TECRL: variants seen among roughly 807,000 people sequenced by gnomAD.
The protein encoded by TECRL is trans-2,3-enoyl-CoA reductase-like.
Under a neutral mutation model 52.8 loss-of-function variants are expected in TECRL, and 63 were observed. That is an observed-to-expected ratio of 1.19 (90% CI 0.97 to 1.47). The LOEUF (loss-of-function observed/expected upper bound fraction) is 1.47. Ranked by LOEUF, TECRL falls within the 40% of genes most tolerant of loss-of-function variation. The probability of loss-of-function intolerance (pLI) is 0.00; values close to 1 mark genes in which losing one functional copy is unlikely to be tolerated. For missense variants in TECRL, 482 were observed against 429.6 expected, an observed-to-expected ratio of 1.12 and a Z score of -1.08; for synonymous variants, 164 against 141.9, an observed-to-expected ratio of 1.16 and a Z score of -1.10.
intron 2 of TECRL, among the ~76,000 whole-genome samples, chr4:64,345,615 A>G (rs569523438): frequency 2.2e-4 from 34 of 151,240 alleles, no homozygotes; most frequent in African/African-American, 6.8e-4. Flanking sequence ...ATGAGTTAAT[A>G]GGTGCAGCAC....
intron 4 of TECRL, among the ~76,000 whole-genome samples, chr4:64,320,017 T>C (rs1486892080): frequency 6.6e-6 from 1 of 151,874 alleles, no homozygotes; most frequent in African/African-American, 2.4e-5. Flanking sequence ...TATCTTGACA[T>C]TGGTGTTAGA....
At chr4:64,367,498 A>AAAATAC (rs1249078198) in intron 2 of TECRL, among the ~76,000 whole-genome samples, 1 of 152,170 alleles carries the variant, frequency 6.6e-6, no homozygotes, top group African/African-American at 2.4e-5. Flanking sequence ...AAACCAACAC[A>AAAATAC]AAATACAAAT....
chr4:64,374,007 T>TATAGTAG (rs1228293321), intron 2 of TECRL, among the ~76,000 whole-genome samples: 17 of 682 alleles, frequency 0.025, no homozygotes, highest in Non-Finnish European at 0.21. Context: ...TATACTATAG[T>TATAGTAG]ATAGTATATA....
chr4:64,281,383 A>G, intron 10 of TECRL, 91 bp downstream of exon 10: 2 of 767,180 alleles, frequency 2.6e-6, no homozygotes, highest in Non-Finnish European at 4.2e-6. Flanking sequence ...TTTCCTGTAT[A>G]TATTAATTTA....
chr4:64,378,819 A>G (rs1291338114), intron 1 of TECRL, among the ~76,000 whole-genome samples: 5 of 152,062 alleles, frequency 3.3e-5, no homozygotes, highest in Admixed American at 2.6e-4. Context: ...TCTTCAGATC[A>G]TATAAATTTT....
intron 2 of TECRL, among the ~76,000 whole-genome samples, chr4:64,338,303 A>ATGTT (rs1719275023): frequency 1.3e-5 from 2 of 152,354 alleles, no homozygotes; most frequent in African/African-American, 4.8e-5. Flanking sequence ...AAAGACTTAC[A>ATGTT]TGTTAGACCT....
chr4:64,393,632 T>C (rs1723708570), intron 1 of TECRL, among the ~76,000 whole-genome samples: 1 of 151,942 alleles, frequency 6.6e-6, no homozygotes, highest in Non-Finnish European at 1.5e-5. Flanking sequence ...AGCTTTCCCA[T>C]TTCTGCTTCT....
Position 64,281,035 on chromosome 4 carries a change from T to A in TECRL, c.964+6A>T. On this transcript the variant is annotated splice_donor_region_variant and intron_variant, in intron 11 of 11. Transcript: ENST00000381210. ...TTGATTAATTATCAGTATATCTAGGTCTTACCTGGCAGTGTTTGTGTCATG... is the reference window on the plus strand; with the variant it reads ...TTGATTAATTATCAGTATATCTAGGACTTACCTGGCAGTGTTTGTGTCATG... 6.3e-7 allele frequency: 1 copy of A among 1,597,878 alleles called. No homozygotes were observed. The highest frequency in any genetic ancestry group is 2.2e-5 in the East Asian group (1 of 44,534).
intron 3 of TECRL, among the ~76,000 whole-genome samples, chr4:64,326,981 A>T (rs528920693): frequency 1.2e-4 from 19 of 152,028 alleles, no homozygotes; most frequent in African/African-American, 4.6e-4. Flanking sequence ...ACTAAGATTG[A>T]TGGAGCAACT....
chr4:64,342,974 T>C (rs1420291537), intron 2 of TECRL, among the ~76,000 whole-genome samples: 2 of 152,052 alleles, frequency 1.3e-5, no homozygotes, highest in Non-Finnish European at 2.9e-5. Flanking sequence ...TCTTTACAAC[T>C]CTGTGTTGTG....
At chr4:64,378,569 T>A (rs1269147095) in intron 1 of TECRL, among the ~76,000 whole-genome samples, 1 of 152,082 alleles carries the variant, frequency 6.6e-6, no homozygotes, top group Non-Finnish European at 1.5e-5. Flanking sequence ...TTATTCAGAA[T>A]GGACAAGGAT....
At chr4:64,374,370 C>A (rs1385115102) in intron 2 of TECRL, among the ~76,000 whole-genome samples, 1 of 150,664 alleles carries the variant, frequency 6.6e-6, no homozygotes, top group East Asian at 1.9e-4. Context: ...GGTTTTTATT[C>A]ATAGATTCTT....
At position 64,280,159 on chromosome 4, in the gene TECRL, C is replaced by CAAAG. The variant is rs1311314231; in HGVS notation, c.1001_1004dup (p.Leu335PhefsTer9). On this transcript the variant is annotated frameshift_variant, in exon 12 of 12. Coordinates refer to ENST00000381210, the MANE Select transcript of TECRL (RefSeq NM_001010874.5). LOFTEE classifies it high-confidence loss of function. ...AAATCTTATGTTTCTTTTGTGCCCA[C>CAAAG]AAAGACATCTGGATACTCATCAGAA... The CAAAG allele has an allele frequency of 1.3e-6, 2 of 1,599,876 alleles. No individual in the cohort carries two copies. The highest frequency in any genetic ancestry group is 1.7e-5 in the Admixed American group (1 of 58,280).
At chr4:64,355,422 A>C (rs1201095190) in intron 2 of TECRL, among the ~76,000 whole-genome samples, 1 of 152,174 alleles carries the variant, frequency 6.6e-6, no homozygotes, top group South Asian at 2.1e-4. Context: ...AATTAAAAAA[A>C]AAATTACATT....
intron 2 of TECRL, among the ~76,000 whole-genome samples, chr4:64,356,601 C>G (rs750100241): frequency 5.3e-5 from 8 of 152,136 alleles, no homozygotes; most frequent in Admixed American, 6.5e-5. Context: ...ACACAGATTC[C>G]TTTGCTCACA....
chr4:64,389,567 T>G (rs963832251), intron 1 of TECRL, among the ~76,000 whole-genome samples: 2 of 151,886 alleles, frequency 1.3e-5, no homozygotes, highest in African/African-American at 4.8e-5. Flanking sequence ...GGATTTTGGT[T>G]TGTGATTTAC....
At chr4:64,356,097 G>A (rs1245745122) in intron 2 of TECRL, among the ~76,000 whole-genome samples, 4 of 152,078 alleles carry the variant, frequency 2.6e-5, no homozygotes, top group Non-Finnish European at 5.9e-5. Context: ...TTAACAAAAT[G>A]TTTACAAGCA....
chr4:64,377,813 CT>C (rs1235931334), intron 1 of TECRL, among the ~76,000 whole-genome samples: 2 of 151,938 alleles, frequency 1.3e-5, no homozygotes, highest in East Asian at 1.9e-4. Context: ...TCACAGAAAC[CT>C]TTTTTTGTAA....
At chr4:64,305,303 A>G in intron 6 of TECRL, 65 bp from the exon 7 acceptor site, 1 of 1,414,670 alleles carries the variant, frequency 7.1e-7, no homozygotes, top group Non-Finnish European at 9.9e-7. Context: ...CAATTGTGAC[A>G]TACATTTATA....
Sources: gnomAD v4.1 joint callset for allele counts (sites outside exome capture counted in the v4.1 genomes callset) on GRCh38, gnomAD v4.1.1 for gene constraint, MANE v1.5 for transcripts, NCBI Gene and HGNC (gene_info 2026-07-23, HGNC 2026-07-21) for gene names.